The following ZFYVE9 variants were observed in gnomAD, a reference collection of about 807,000 sequenced individuals.
The protein encoded by ZFYVE9 is zinc finger FYVE-type containing 9.
Under a neutral mutation model 126.7 loss-of-function variants are expected in ZFYVE9, and 43 were observed. The observed-to-expected ratio is 0.34, with a 90% confidence interval of 0.27 to 0.44. The LOEUF (loss-of-function observed/expected upper bound fraction) is 0.44. ZFYVE9 is among the 20% of genes least tolerant of loss of function. The pLI is 1.00. For synonymous variants in ZFYVE9, 521 were observed against 597.4 expected, an observed-to-expected ratio of 0.87 and a Z score of 1.87; for missense variants, 1,476 against 1,697.0, an observed-to-expected ratio of 0.87 and a Z score of 2.29.
chr1:52,340,649 C>T (rs1210418829), intron 17 of ZFYVE9, among the ~76,000 whole-genome samples: 1 of 152,142 alleles, frequency 6.6e-6, no homozygotes. Flanking sequence ...CCTGTAATCC[C>T]AGCATTTTGG....
At position 52,238,081 on chromosome 1, in the gene ZFYVE9, G is replaced by A. The variant is rs1000657476; in HGVS notation, c.664G>A (p.Glu222Lys). The change falls in exon 4 of 19, where the codon GAG (glutamate) becomes AAG (lysine). Residue 222 changes from glutamate (E) to lysine (K), a missense_variant. Around this residue, in one of 2 missense-constraint regions of ZFYVE9, gnomAD observed 807 missense variants for 794.6 expected, o/e 1.02. Coordinates refer to ENST00000287727, the MANE Select transcript of ZFYVE9 (RefSeq NM_004799.4). Reference protein sequence around the residue: ...QMDPLNRPKTEGRSVNHLCPT... With the variant: ...QMDPLNRPKTKGRSVNHLCPT... Reference sequence around the variant, plus strand: ...GGATCCATTGAATAGACCGAAAACAGAGGGGAGATCTGTTAACCATCTGTG... The same window carrying A: ...GGATCCATTGAATAGACCGAAAACAAAGGGGAGATCTGTTAACCATCTGTG... The A allele has an allele frequency of 6.2e-7, 1 of 1,614,038 alleles. No individual in the cohort carries two copies. Among genetic ancestry groups the A allele is most frequent in the Middle Eastern group, 1.6e-4 (1 of 6,062 alleles).
chr1:52,173,799 T>C (rs547982385), intron 1 of ZFYVE9, among the ~76,000 whole-genome samples: 41 of 152,334 alleles, frequency 2.7e-4, no homozygotes, highest in Non-Finnish European at 5.7e-4. Flanking sequence ...TAGAGGTGTT[T>C]ATAGTATTCT....
chr1:52,269,457 T>G (rs1321695271), intron 7 of ZFYVE9, among the ~76,000 whole-genome samples: 1 of 152,212 alleles, frequency 6.6e-6, no homozygotes, highest in African/African-American at 2.4e-5. Flanking sequence ...TTACTCCTGA[T>G]GTTTTCATAG....
At chr1:52,157,983 C>G (rs375266094) in intron 1 of ZFYVE9, among the ~76,000 whole-genome samples, 13 of 152,284 alleles carry the variant, frequency 8.5e-5, no homozygotes, top group East Asian at 5.8e-4. Flanking sequence ...TACCCACTTT[C>G]CTGAGCTTTT....
At chr1:52,192,760 A>C (rs1269381996) in intron 1 of ZFYVE9, among the ~76,000 whole-genome samples, 1 of 152,252 alleles carries the variant, frequency 6.6e-6, no homozygotes, top group Non-Finnish European at 1.5e-5. Context: ...AAAGAATTTG[A>C]ACAGGAGGTC....
chr1:52,185,340 A>T (rs1644755319), intron 1 of ZFYVE9, among the ~76,000 whole-genome samples: 1 of 152,192 alleles, frequency 6.6e-6, no homozygotes, highest in South Asian at 2.1e-4. Context: ...CTAATGCCAC[A>T]CCATGCTAAA....
In ZFYVE9 at chr1:52,340,152, C is replaced by A. The variant is rs755068826; in HGVS notation, c.3860C>A (p.Ser1287Tyr). 6.2e-7 allele frequency: 1 copy of A among 1,613,518 alleles called. No homozygotes were observed. The highest frequency in any genetic ancestry group is 1.3e-5 in the African/African-American group (1 of 74,864). Residue 1287 changes from serine to tyrosine, a missense_variant, in exon 17 of 19, where the codon TCC (serine) becomes TAC (tyrosine). Ser to Tyr is a moderately radical substitution (Grantham distance 144, BLOSUM62 -2). Transcript: ENST00000287727. ...GTCGTAAGTCCTATAGATGGGAAGT[C>A]CATGGAGACTATAACAAATGTGAAG... ...KGVVSPIDGK[S>Y]METITNVKIF...
chr1:52,262,293 A>G (rs1376098713), intron 4 of ZFYVE9, among the ~76,000 whole-genome samples: 1 of 152,188 alleles, frequency 6.6e-6, no homozygotes, highest in Non-Finnish European at 1.5e-5. Context: ...ATTTCAACAT[A>G]GGAGTTTTGG....
At position 52,219,749 on chromosome 1, in the gene ZFYVE9, T is replaced by TTGTGTGTGTGTGTGTGTG. The variant is rs56340178; in HGVS notation, c.-37+3312_-37+3329dup. On this transcript the variant is annotated intron_variant, in intron 2 of 18. Coordinates refer to ENST00000287727, the MANE Select transcript of ZFYVE9 (RefSeq NM_004799.4). ...ATAGAGCATTTCAGGCCAAGATCTT[T>TTGTGTGTGTGTGTGTGTG]TGTGTGTGTGTGTGTGTGTGTGTGT... Among the ~76,000 whole-genome samples the TTGTGTGTGTGTGTGTGTG allele has an allele frequency of 2.0e-4, 23 of 113,344 alleles. 1 individual carries two copies. Among genetic ancestry groups the TTGTGTGTGTGTGTGTGTG allele is most frequent in the African/African-American group, 5.2e-4 (15 of 29,038 alleles). The allele number at this position is 113,344 out of a possible 152,430, so 74.4% of individuals were successfully genotyped here.
chr1:52,252,712 T>C (rs554592198), intron 4 of ZFYVE9: 29 of 442,628 alleles, frequency 6.6e-5, no homozygotes, highest in South Asian at 4.5e-4. Context: ...TTGCAAAACA[T>C]AACAGCCTGC....
chr1:52,318,060 T>C (rs936589707), intron 13 of ZFYVE9, among the ~76,000 whole-genome samples: 11 of 152,108 alleles, frequency 7.2e-5, no homozygotes, highest in African/African-American at 2.6e-4. Flanking sequence ...GTCAGCCTTA[T>C]ACTAATAACA....
chr1:52,283,702 G>A (rs978103947), intron 10 of ZFYVE9, among the ~76,000 whole-genome samples: 2 of 152,166 alleles, frequency 1.3e-5, no homozygotes, highest in Non-Finnish European at 2.9e-5. Flanking sequence ...CCTAAAGTGA[G>A]GTGGGGGTGC....
intron 13 of ZFYVE9, among the ~76,000 whole-genome samples, chr1:52,320,592 G>C (rs998542263): frequency 6.6e-6 from 1 of 152,208 alleles, no homozygotes; most frequent in Non-Finnish European, 1.5e-5. Context: ...AAAAGAAGAT[G>C]AACCTCAACC....
intron 1 of ZFYVE9, among the ~76,000 whole-genome samples, chr1:52,191,954 C>A (rs1381354762): frequency 6.6e-6 from 1 of 151,528 alleles, no homozygotes; most frequent in Admixed American, 6.6e-5. Flanking sequence ...TGGAGAGAGA[C>A]TAAAACATGA....
intron 13 of ZFYVE9, among the ~76,000 whole-genome samples, chr1:52,311,940 G>A (rs1646140863): frequency 6.6e-6 from 1 of 151,684 alleles, no homozygotes; most frequent in Non-Finnish European, 1.5e-5. Flanking sequence ...ACAGGCAAAC[G>A]CCACCATGCC....
chr1:52,281,802 G>A lies in ZFYVE9; in HGVS notation c.3011G>A (p.Arg1004Gln), dbSNP rs751285836. 1.3e-5 allele frequency: 21 copies of A among 1,614,100 alleles called. No homozygotes were observed. Among genetic ancestry groups the A allele is most frequent in the East Asian group, 4.5e-5 (2 of 44,868 alleles). ...TTTAATCACTTTGTGCAGCTTTATC[G>A]GGATGCTCTGGCAGGTAGGAATGCT... ...DIFNHFVQLYRDALAGNVVSN... is the reference protein window; with the variant it reads ...DIFNHFVQLYQDALAGNVVSN... The change falls in exon 10 of 19, where the codon CGG becomes CAG. Residue 1004 changes from arginine (R) to glutamine (Q), a missense_variant. Arg to Gln is a conservative substitution (Grantham distance 43). Coordinates refer to ENST00000287727, the MANE Select transcript of ZFYVE9 (RefSeq NM_004799.4).
At chr1:52,346,016 T>G (rs1450184559) in intron 18 of ZFYVE9, 44 bp from the exon 19 acceptor site, 1 of 1,514,214 alleles carries the variant, frequency 6.6e-7, no homozygotes, top group Admixed American at 2.1e-5. Flanking sequence ...TGGAGAGGCC[T>G]TCTCTGTTCA....
chr1:52,167,507 TA>T (rs1644525017), intron 1 of ZFYVE9, among the ~76,000 whole-genome samples: 1 of 152,124 alleles, frequency 6.6e-6, no homozygotes, highest in Non-Finnish European at 1.5e-5. Context: ...GGTAATGTTC[TA>T]GAGGTGAATA....
At chr1:52,327,759 A>C (rs767346445) in intron 13 of ZFYVE9, among the ~76,000 whole-genome samples, 1 of 152,044 alleles carries the variant, frequency 6.6e-6, no homozygotes, top group African/African-American at 2.4e-5. Context: ...GGGTCACTTA[A>C]GCTCAGGAGT....
Sources: gnomAD v4.1 joint callset for allele counts (sites outside exome capture counted in the v4.1 genomes callset) on GRCh38, gnomAD v4.1.1 for gene constraint, gnomAD v4.1.1 regional missense constraint, MANE v1.5 for transcripts, NCBI Gene and HGNC (gene_info 2026-07-23, HGNC 2026-07-21) for gene names.